Variants in PHACTR1 observed in about 807,000 individuals in gnomAD.
PHACTR1 encodes the protein phosphatase and actin regulator 1.
In PHACTR1, 16 loss-of-function variants were observed where a neutral mutation model predicts 69.2. The ratio of observed to expected loss-of-function variants is 0.23; its 90% confidence interval spans 0.16 to 0.35. The LOEUF (loss-of-function observed/expected upper bound fraction) is 0.35. Among genes scored for constraint, PHACTR1 ranks in the 10% least tolerant of loss-of-function variants. The pLI is 1.00. For missense variants in PHACTR1, 510 were observed against 734.7 expected (o/e 0.69, Z 3.54); for synonymous variants, 312 against 284.5 (o/e 1.10, Z -0.97).
intron 5 of PHACTR1, among the ~76,000 whole-genome samples, chr6:13,065,165 G>A (rs141729196): frequency 8.5e-4 from 129 of 152,248 alleles, no homozygotes; most frequent in African/African-American, 2.9e-3. Flanking sequence ...GTCAGGAGAG[G>A]TCTAAGAAAT....
intron 6 of PHACTR1, among the ~76,000 whole-genome samples, chr6:13,178,678 G>C (rs894910407): frequency 7.2e-5 from 11 of 152,160 alleles, no homozygotes; most frequent in African/African-American, 2.4e-4. Flanking sequence ...AATTCTAATA[G>C]GAAGCAGCTC....
At chr6:12,726,289 T>C (rs1367314060) in intron 3 of PHACTR1, among the ~76,000 whole-genome samples, 1 of 152,186 alleles carries the variant, frequency 6.6e-6, no homozygotes, top group African/African-American at 2.4e-5. Context: ...GTTTTCATTC[T>C]GCCTAAAAGC....
intron 10 of PHACTR1, among the ~76,000 whole-genome samples, chr6:13,235,188 G>A (rs1771805807): frequency 1.3e-5 from 2 of 151,966 alleles, no homozygotes; most frequent in South Asian, 4.2e-4. Context: ...GAGACCTCAG[G>A]GCAATCCCTC....
intron 5 of PHACTR1, among the ~76,000 whole-genome samples, chr6:13,087,937 A>G (rs1812580568): frequency 6.6e-6 from 1 of 152,144 alleles, no homozygotes; most frequent in African/African-American, 2.4e-5. Flanking sequence ...ATGAGCCACT[A>G]CACCCAGCCA....
intron 10 of PHACTR1, among the ~76,000 whole-genome samples, chr6:13,255,686 A>G (rs971922926): frequency 6.6e-6 from 1 of 152,274 alleles, no homozygotes; most frequent in African/African-American, 2.4e-5. Context: ...CAGGGCAGTC[A>G]TTAAATCTTA....
intron 4 of PHACTR1, among the ~76,000 whole-genome samples, chr6:13,015,921 A>C (rs1800115201): frequency 6.6e-6 from 1 of 152,168 alleles, no homozygotes; most frequent in Non-Finnish European, 1.5e-5. Context: ...ATAGTGCCTA[A>C]TTTTTGCCTA....
intron 5 of PHACTR1, among the ~76,000 whole-genome samples, chr6:13,061,334 C>T (rs1475355920): frequency 6.6e-6 from 1 of 152,054 alleles, no homozygotes; most frequent in Non-Finnish European, 1.5e-5. Context: ...TAGGGCACAC[C>T]GTTTGGCAGG....
chr6:12,742,844 C>A (rs1407669123), intron 3 of PHACTR1, among the ~76,000 whole-genome samples: 1 of 152,128 alleles, frequency 6.6e-6, no homozygotes, highest in Non-Finnish European at 1.5e-5. Context: ...ACTCTCAGAT[C>A]TGGCAAAAGA....
At chr6:13,132,699 A>G (rs1411021490) in intron 5 of PHACTR1, among the ~76,000 whole-genome samples, 3 of 150,790 alleles carry the variant, frequency 2.0e-5, no homozygotes, top group Non-Finnish European at 4.4e-5. Context: ...AAAACAATGT[A>G]CATACCTTAA....
chr6:12,786,291 T>A (rs1448100443), intron 4 of PHACTR1, among the ~76,000 whole-genome samples: 1 of 152,242 alleles, frequency 6.6e-6, no homozygotes, highest in Non-Finnish European at 1.5e-5. Flanking sequence ...CATTCATGCA[T>A]GTGTGTGTAT....
chr6:13,072,184 A>G (rs1429798099), intron 5 of PHACTR1, among the ~76,000 whole-genome samples: 1 of 152,208 alleles, frequency 6.6e-6, no homozygotes, highest in Admixed American at 6.5e-5. Flanking sequence ...GCCATTCCCC[A>G]GTGCCCATTA....
At chr6:13,158,611 G>A (rs1222706239) in intron 5 of PHACTR1, among the ~76,000 whole-genome samples, 3 of 152,152 alleles carry the variant, frequency 2.0e-5, no homozygotes, top group South Asian at 2.1e-4. Context: ...ATTCTCAGCC[G>A]AGTCATGCCT....
rs563772689 is a variant in PHACTR1, at chr6:13,282,813, TAAG to T, written c.1510-603_1510-601del. Among the ~76,000 whole-genome samples the T allele has an allele frequency of 9.7e-4, 147 of 152,220 alleles. 2 individuals carry two copies. Among genetic ancestry groups the T allele is most frequent in the Admixed American group, 1.1e-3 (17 of 15,290 alleles). ...TGTCACCTGGTGGGAGTAGGACAGA[TAAG>T]AAGAAATCCACAACAGGCGCCCACA... On this transcript the variant is annotated intron_variant, in intron 12 of 14. Coordinates refer to ENST00000332995, the MANE Select transcript of PHACTR1 (RefSeq NM_030948.6).
chr6:12,761,341 G>C (rs1332262068), intron 4 of PHACTR1, among the ~76,000 whole-genome samples: 1 of 152,104 alleles, frequency 6.6e-6, no homozygotes, highest in African/African-American at 2.4e-5. Flanking sequence ...ACTCAATACA[G>C]CCTAATAGCC....
chr6:13,196,154 C>T (rs1764378182), intron 7 of PHACTR1, among the ~76,000 whole-genome samples: 1 of 152,188 alleles, frequency 6.6e-6, no homozygotes, highest in South Asian at 2.1e-4. Context: ...CCACCATCAT[C>T]ATTAGAAAGG....
intron 3 of PHACTR1, 142 bp from the exon 4 acceptor site, chr6:12,749,501 CT>C: frequency 3.0e-6 from 2 of 664,484 alleles, no homozygotes; most frequent in Non-Finnish European, 5.6e-6. Flanking sequence ...TCCTTTTTCC[CT>C]CTCTTTCCCA....
At chr6:13,176,321 C>T (rs1426966215) in intron 6 of PHACTR1, among the ~76,000 whole-genome samples, 1 of 152,244 alleles carries the variant, frequency 6.6e-6, no homozygotes, top group Non-Finnish European at 1.5e-5. Context: ...CATGTGCATA[C>T]TGTCCTCCAT....
intron 4 of PHACTR1, among the ~76,000 whole-genome samples, chr6:12,790,050 C>T (rs1772067532): frequency 6.6e-6 from 1 of 152,124 alleles, no homozygotes; most frequent in South Asian, 2.1e-4. Flanking sequence ...CTGATAACCT[C>T]TGAATAAGTC....
chr6:12,998,161 T>C (rs1797656810), intron 4 of PHACTR1, among the ~76,000 whole-genome samples: 1 of 152,048 alleles, frequency 6.6e-6, no homozygotes, highest in Non-Finnish European at 1.5e-5. Flanking sequence ...AAAATTATTC[T>C]CCATATTGTA....
Sources: allele counts gnomAD v4.1 joint callset (sites outside exome capture counted in the v4.1 genomes callset), GRCh38; gene constraint gnomAD v4.1.1; transcripts MANE v1.5; gene names NCBI Gene and HGNC (gene_info 2026-07-23, HGNC 2026-07-21).